CNOT2: variants seen among roughly 807,000 people sequenced by gnomAD.
The protein encoded by CNOT2 is CCR4-NOT transcription complex subunit 2, also known as CC chemokine receptor 4-negative regulator of transcription 2.
A neutral mutation model predicts 72.1 loss-of-function variants in CNOT2; 7 were observed. The ratio of observed to expected loss-of-function variants is 0.10; its 90% CI spans 0.06 to 0.18. The LOEUF is 0.18. CNOT2 is among the 10% of genes least tolerant of loss of function. The probability of loss-of-function intolerance (pLI) is 1.00; values close to 1 mark genes in which losing one functional copy is unlikely to be tolerated. For missense variants in CNOT2, 345 were observed against 660.3 expected, an observed-to-expected ratio of 0.52 and a Z score of 5.23; for synonymous variants, 196 against 225.6, an observed-to-expected ratio of 0.87 and a Z score of 1.17.
At position 70,293,774 on chromosome 12, in the gene CNOT2, A is replaced by G. The variant is rs546973942; in HGVS notation, c.48+15500A>G. ...GAGAGCCTTAGATTTAATGTTGAGTACTCAAGAGAGCAAGAGAGTGTACAA... is the reference window on the plus strand; with the variant it reads ...GAGAGCCTTAGATTTAATGTTGAGTGCTCAAGAGAGCAAGAGAGTGTACAA... On this transcript the variant is annotated intron_variant, in intron 2 of 15. Coordinates refer to ENST00000229195, the MANE Select transcript of CNOT2 (RefSeq NM_014515.7). Among the ~76,000 whole-genome samples, 5 of 152,188 alleles carry G rather than the reference A, an allele frequency of 3.3e-5. No homozygotes were observed. In the East Asian group the frequency reaches 9.7e-4, roughly 30 times the overall value.
chr12:70,289,349 C>A (rs148421412), intron 2 of CNOT2, among the ~76,000 whole-genome samples: 4 of 151,884 alleles, frequency 2.6e-5, no homozygotes, highest in African/African-American at 9.6e-5. Flanking sequence ...TATAATATAC[C>A]TTTTTCTCTC....
At chr12:70,325,873 A>G (rs1478114192) in intron 4 of CNOT2, among the ~76,000 whole-genome samples, 1 of 151,852 alleles carries the variant, frequency 6.6e-6, no homozygotes, top group African/African-American at 2.4e-5. Context: ...TTAAGTATGA[A>G]TATTCAGGGA....
intron 1 of CNOT2, among the ~76,000 whole-genome samples, chr12:70,248,317 T>C (rs1957980708): frequency 6.6e-6 from 1 of 152,192 alleles, no homozygotes; most frequent in Admixed American, 6.5e-5. Flanking sequence ...AGGTGAGATG[T>C]GTCTTATTGG....
chr12:70,346,476 TAG>T, intron 15 of CNOT2, 152 bp downstream of exon 15: 1 of 544,342 alleles, frequency 1.8e-6, no homozygotes, highest in Non-Finnish European at 3.1e-6. Context: ...TTGACACTCT[TAG>T]AAGAGTGTCC....
At chr12:70,341,072 G>A (rs1014348061) in intron 11 of CNOT2, among the ~76,000 whole-genome samples, 3 of 151,590 alleles carry the variant, frequency 2.0e-5, no homozygotes, top group African/African-American at 7.3e-5. Context: ...TAGTAGAGAC[G>A]GGATTTCACC....
chr12:70,328,417 G>C (rs1271443070), intron 4 of CNOT2, among the ~76,000 whole-genome samples: 1 of 151,872 alleles, frequency 6.6e-6, no homozygotes, highest in Non-Finnish European at 1.5e-5. Flanking sequence ...AAGTTTGGTT[G>C]ATGAAGCAGA....
At chr12:70,294,125 T>C (rs1441016397) in intron 2 of CNOT2, 2 of 1,289,144 alleles carry the variant, frequency 1.6e-6, no homozygotes, top group Admixed American at 2.3e-5. Context: ...TACTGTTTGC[T>C]GGAGTTGAAC....
chr12:70,318,780 CACAT>C (rs1462551072), intron 3 of CNOT2, among the ~76,000 whole-genome samples: 1 of 151,802 alleles, frequency 6.6e-6, no homozygotes, highest in Non-Finnish European at 1.5e-5. Context: ...TATGCACACA[CACAT>C]ATTTTCATTT....
At chr12:70,243,215 G>T (rs549603770), upstream of CNOT2, 1 of 152,600 alleles carries the variant, frequency 6.6e-6, no homozygotes, top group Non-Finnish European at 1.5e-5. Context: ...CTGTGAGTCG[G>T]TGGGAGACAA....
chr12:70,325,827 C>T (rs577223474), intron 4 of CNOT2, among the ~76,000 whole-genome samples: 2 of 151,924 alleles, frequency 1.3e-5, no homozygotes, highest in South Asian at 2.1e-4. Context: ...AAGGACTACT[C>T]TCTCCTGCCC....
At chr12:70,290,959 A>G (rs1045212436) in intron 2 of CNOT2, among the ~76,000 whole-genome samples, 2 of 152,234 alleles carry the variant, frequency 1.3e-5, no homozygotes, top group African/African-American at 4.8e-5. Context: ...ACAGTGTGCA[A>G]TATACACAAA....
At chr12:70,312,159 A>T (rs1345422991) in intron 3 of CNOT2, among the ~76,000 whole-genome samples, 1 of 151,900 alleles carries the variant, frequency 6.6e-6, no homozygotes, top group Non-Finnish European at 1.5e-5. Context: ...GAATAATGTC[A>T]TCTAATTTTC....
intron 2 of CNOT2, among the ~76,000 whole-genome samples, chr12:70,297,389 G>A (rs1377912675): frequency 2.0e-5 from 3 of 152,122 alleles, no homozygotes; most frequent in Non-Finnish European, 2.9e-5. Flanking sequence ...ATGAAGCAGT[G>A]AATGAGACAA....
intron 2 of CNOT2, among the ~76,000 whole-genome samples, chr12:70,297,160 C>T (rs1410619723): frequency 6.6e-6 from 1 of 152,088 alleles, no homozygotes; most frequent in African/African-American, 2.4e-5. Flanking sequence ...AGAACTTGTG[C>T]ATATTTGTAT....
intron 3 of CNOT2, among the ~76,000 whole-genome samples, chr12:70,316,340 CAG>C (rs1877327193): frequency 1.3e-5 from 2 of 152,076 alleles, no homozygotes; most frequent in South Asian, 4.1e-4. Flanking sequence ...ACTGTTCTGT[CAG>C]AGTATATTTC....
At chr12:70,339,014 A>ATGTGTGTGTGTGTGTG (rs143055295) in intron 11 of CNOT2, among the ~76,000 whole-genome samples, 192 bp downstream of exon 11, 19 of 131,048 alleles carry the variant, frequency 1.4e-4, no homozygotes, top group African/African-American at 5.5e-4. Flanking sequence ...TTGGCATTTT[A>ATGTGTGTGTGTGTGTG]TGTGTGTGTG....
At chr12:70,291,204 T>C (rs988585862) in intron 2 of CNOT2, among the ~76,000 whole-genome samples, 3 of 152,202 alleles carry the variant, frequency 2.0e-5, no homozygotes, top group African/African-American at 7.2e-5. Context: ...ATTTTACCAA[T>C]AAGCATTTCT....
At chr12:70,315,593 G>A (rs1166704713) in intron 3 of CNOT2, among the ~76,000 whole-genome samples, 2 of 152,072 alleles carry the variant, frequency 1.3e-5, no homozygotes, top group African/African-American at 2.4e-5. Flanking sequence ...TTGACATTCT[G>A]TATATTAAAG....
intron 2 of CNOT2, among the ~76,000 whole-genome samples, chr12:70,290,486 T>C (rs922803999): frequency 6.6e-5 from 10 of 152,144 alleles, no homozygotes; most frequent in Non-Finnish European, 1.2e-4. Context: ...TTCAGTCTTA[T>C]AAGCAAGGGT....
Sources: allele counts gnomAD v4.1 joint callset (sites outside exome capture counted in the v4.1 genomes callset), GRCh38; gene constraint gnomAD v4.1.1; transcripts MANE v1.5; gene names NCBI Gene and HGNC (gene_info 2026-07-23, HGNC 2026-07-21).